Variants in FRMPD4 observed in about 807,000 individuals in gnomAD.
The protein encoded by FRMPD4 is FERM and PDZ domain-containing protein 4.
In FRMPD4, 22 loss-of-function variants were observed where a neutral mutation model predicts 94.1. The observed-to-expected ratio is 0.23, with a 90% CI of 0.17 to 0.33. The LOEUF is 0.33. FRMPD4 is among the 10% of genes least tolerant of loss of function. The pLI, the probability that FRMPD4 is intolerant of heterozygous loss-of-function variation, is 1.00. For synonymous variants in FRMPD4, 631 were observed against 548.6 expected, an observed-to-expected ratio of 1.15 and a Z score of -2.10; for missense variants, 1,111 against 1,339.9, an observed-to-expected ratio of 0.83 and a Z score of 2.67.
intron 2 of FRMPD4, among the ~76,000 whole-genome samples, chrX:12,571,121 GAATGGAATTTATTAAACTA>G (rs1311106923): frequency 8.9e-6 from 1 of 112,105 alleles, no homozygotes; most frequent in African/African-American, 3.2e-5. Context: ...CTTTAAGCCT[GAATGGAATTTATTAAACTA>G]CTGAGCTCTT....
intron 1 of FRMPD4, among the ~76,000 whole-genome samples, chrX:12,249,825 TG>T: frequency 9.0e-6 from 1 of 111,185 alleles, no homozygotes; most frequent in African/African-American, 3.3e-5. Context: ...TGGTTATAAC[TG>T]ATATATTATT....
At chrX:12,583,212 C>T (rs2058886781) in intron 2 of FRMPD4, among the ~76,000 whole-genome samples, 2 of 112,960 alleles carry the variant, frequency 1.8e-5, no homozygotes. Flanking sequence ...TACTCAGCTC[C>T]CTTCCAGGGC....
At chrX:12,681,693 G>A (rs1250326858) in intron 5 of FRMPD4, among the ~76,000 whole-genome samples, 1 of 90,521 alleles carries the variant, frequency 1.1e-5, no homozygotes. Flanking sequence ...ACTCCATCCA[G>A]GATACACACA....
intron 3 of FRMPD4, among the ~76,000 whole-genome samples, chrX:11,890,943 T>C (rs2147321334): frequency 8.9e-6 from 1 of 112,709 alleles, no homozygotes; most frequent in Admixed American, 9.3e-5. Flanking sequence ...ATGTGACAGA[T>C]GGTGCAGGCC....
chrX:12,381,893 A>G (rs1681722373), intron 1 of FRMPD4, among the ~76,000 whole-genome samples: 1 of 111,785 alleles, frequency 8.9e-6, no homozygotes. Flanking sequence ...GTGGGGAAGC[A>G]TGCTCAGAGG....
chrX:12,231,928 C>T (rs932324424), intron 1 of FRMPD4, among the ~76,000 whole-genome samples: 2 of 111,768 alleles, frequency 1.8e-5, no homozygotes, highest in Admixed American at 1.9e-4. Context: ...TGGGTGTTTC[C>T]ATACCAGCTC....
intron 1 of FRMPD4, among the ~76,000 whole-genome samples, chrX:12,441,285 A>T (rs961087377): frequency 6.2e-5 from 7 of 112,366 alleles, no homozygotes; most frequent in Non-Finnish European, 1.1e-4. Flanking sequence ...TGATGCCCAA[A>T]TTGCATATTT....
intron 1 of FRMPD4, among the ~76,000 whole-genome samples, chrX:12,139,690 C>T (rs2055663722): frequency 1.8e-5 from 2 of 111,838 alleles, no homozygotes; most frequent in Non-Finnish European, 3.8e-5. Context: ...AGGAACATTT[C>T]CACGCTTGGG....
chrX:12,569,807 A>G (rs1463134615), intron 2 of FRMPD4, among the ~76,000 whole-genome samples: 3 of 112,170 alleles, frequency 2.7e-5, no homozygotes, highest in Admixed American at 9.5e-5. Flanking sequence ...AAATGTCTTC[A>G]GTTCGGGAAC....
At chrX:12,163,782 C>T (rs900911221) in intron 1 of FRMPD4, among the ~76,000 whole-genome samples, 4 of 112,145 alleles carry the variant, frequency 3.6e-5, no homozygotes, top group African/African-American at 6.5e-5. Context: ...GGCACAGGCC[C>T]GCCTTTGATT....
At chrX:12,586,364 T>C (rs993419954) in intron 2 of FRMPD4, among the ~76,000 whole-genome samples, 1 of 112,883 alleles carries the variant, frequency 8.9e-6, no homozygotes, top group African/African-American at 3.2e-5. Context: ...AGTATGGATC[T>C]AATGCCGAGG....
chrX:12,555,396 T>A (rs900708184), intron 2 of FRMPD4, among the ~76,000 whole-genome samples: 1 of 112,096 alleles, frequency 8.9e-6, no homozygotes, highest in African/African-American at 3.2e-5. Context: ...TTCTTTTATA[T>A]ATTTTTTTGA....
intron 1 of FRMPD4, among the ~76,000 whole-genome samples, chrX:12,220,671 T>G (rs2147757245): frequency 8.9e-6 from 1 of 112,108 alleles, no homozygotes; most frequent in South Asian, 3.7e-4. Flanking sequence ...ATGCTGTGGT[T>G]AACATATAAT....
intron 1 of FRMPD4, among the ~76,000 whole-genome samples, chrX:12,440,682 T>G (rs760687711): frequency 1.1e-3 from 122 of 108,453 alleles, no homozygotes; most frequent in South Asian, 6.6e-3. Flanking sequence ...GGAAAACACA[T>G]AGGGTGTGTG....
chrX:12,307,728 T>A (rs778681660), intron 1 of FRMPD4, among the ~76,000 whole-genome samples: 45 of 111,071 alleles, frequency 4.1e-4, no homozygotes, highest in African/African-American at 1.4e-3. Context: ...AATAAAAAAA[T>A]AGGAGTAAAA....
At chrX:12,483,628 C>A (rs553880633) in intron 1 of FRMPD4, among the ~76,000 whole-genome samples, 4 of 111,299 alleles carry the variant, frequency 3.6e-5, no homozygotes, top group East Asian at 5.6e-4. Flanking sequence ...TTTTTGTGTG[C>A]ATTAGGGGAA....
intron 3 of FRMPD4, among the ~76,000 whole-genome samples, chrX:12,086,083 GTGTGTA>G (rs1337888316): frequency 0.015 from 873 of 56,361 alleles, 9 homozygotes; most frequent in African/African-American, 0.032. Context: ...GTGTGCGTGT[GTGTGTA>G]TGTGTGTGTG....
At chrX:12,455,287 A>G (rs2057321674) in intron 1 of FRMPD4, among the ~76,000 whole-genome samples, 1 of 111,924 alleles carries the variant, frequency 8.9e-6, no homozygotes, top group Non-Finnish European at 1.9e-5. Context: ...TCACCACCGT[A>G]TATGTTCAAA....
intron 3 of FRMPD4, among the ~76,000 whole-genome samples, chrX:12,128,091 G>A (rs191048612): frequency 3.5e-4 from 40 of 112,752 alleles, no homozygotes; most frequent in South Asian, 7.3e-4. Context: ...GCAAGCTGTC[G>A]GTGGAGCTAC....
Sources: gnomAD v4.1 joint callset for allele counts (sites outside exome capture counted in the v4.1 genomes callset) on GRCh38, gnomAD v4.1.1 for gene constraint, MANE v1.5 for transcripts, NCBI Gene and HGNC (gene_info 2026-07-23, HGNC 2026-07-21) for gene names.